The following ALPL variants were observed in gnomAD, a reference collection of about 807,000 sequenced individuals.
ALPL encodes alkaline phosphatase, biomineralization associated.
In ALPL, 42 loss-of-function variants were observed where a neutral mutation model predicts 51.3. That is an observed-to-expected ratio of 0.82 (90% CI 0.64 to 1.06). ALPL has a LOEUF of 1.06. Ranked by LOEUF, ALPL falls within the 50% of genes least tolerant of loss-of-function variation. ALPL has a pLI of 0.00. For synonymous variants in ALPL, 279 were observed against 296.4 expected (o/e 0.94, Z 0.60); for missense variants, 589 against 709.4 (o/e 0.83, Z 1.93).
intron 1 of ALPL, among the ~76,000 whole-genome samples, chr1:21,537,730 G>T (rs1644128622): frequency 6.6e-6 from 1 of 152,234 alleles, no homozygotes; most frequent in Non-Finnish European, 1.5e-5. Context: ...TGGACATGGA[G>T]CTGGACGGAC....
At chr1:21,543,917 G>A (rs778902703) in intron 1 of ALPL, among the ~76,000 whole-genome samples, 35 of 152,314 alleles carry the variant, frequency 2.3e-4, no homozygotes, top group Admixed American at 5.9e-4. Flanking sequence ...GGGTGTCCTT[G>A]GAGCAGGCCT....
chr1:21,564,128 A>T lies in ALPL; in HGVS notation c.560A>T (p.Tyr187Phe). 3 of 1,614,064 alleles carry T rather than the reference A, an allele frequency of 1.9e-6. No homozygotes were observed. Among genetic ancestry groups the T allele is most frequent in the Non-Finnish European group, 2.5e-6 (3 of 1,180,006 alleles). Residue 187 changes from tyrosine (Y) to phenylalanine (F), a missense_variant, in exon 6 of 12, where the codon TAC becomes TTC. Tyr to Phe is a conservative substitution (Grantham distance 22). Transcript: ENST00000374840. This position sits in a 1 kb window ranked among gnomAD's most constrained non-coding sequence, Gnocchi z 5.8. ...GCCCACTCGGCTGACCGGGACTGGT[A>T]CTCAGACAACGAGATGCCCCCTGAG... ...AYAHSADRDW[Y>F]SDNEMPPEAL... is the part of the protein sequence containing the mutation.
intron 1 of ALPL, among the ~76,000 whole-genome samples, chr1:21,519,722 G>A (rs552988964): frequency 2.0e-5 from 3 of 152,314 alleles, no homozygotes; most frequent in Non-Finnish European, 4.4e-5. Context: ...ACTTGAATCC[G>A]GGAGGCGGAG....
chr1:21,520,184 G>A (rs553269787), intron 1 of ALPL, among the ~76,000 whole-genome samples: 2 of 152,058 alleles, frequency 1.3e-5, no homozygotes, highest in Admixed American at 1.3e-4. Context: ...TGGAGTTCAG[G>A]CACGATCATA....
chr1:21,518,145 G>A (rs113393066), intron 1 of ALPL, among the ~76,000 whole-genome samples: 18,853 of 151,888 alleles, frequency 0.12, 1,314 homozygotes, highest in African/African-American at 0.16. Context: ...AGCTGTGCCC[G>A]TGTTCAGTCC....
intron 1 of ALPL, among the ~76,000 whole-genome samples, chr1:21,522,942 G>T (rs1475602916): frequency 6.6e-6 from 1 of 152,214 alleles, no homozygotes; most frequent in Non-Finnish European, 1.5e-5. Flanking sequence ...CTAGGAGGTA[G>T]ATATTATTGT....
chr1:21,513,564 T>C (rs1643733425), intron 1 of ALPL, among the ~76,000 whole-genome samples: 1 of 152,094 alleles, frequency 6.6e-6, no homozygotes, highest in African/African-American at 2.4e-5. Context: ...AGTGGAGAGA[T>C]GAGACTTCCC....
intron 2 of ALPL, among the ~76,000 whole-genome samples, chr1:21,554,381 T>A (rs534069908): frequency 9.5e-5 from 14 of 147,998 alleles, no homozygotes; most frequent in African/African-American, 2.5e-4. Context: ...ACAAGGAAAA[T>A]ATATATATAC....
chr1:21,509,274 G>C (rs1388760209), upstream of ALPL: 2 of 148,630 alleles, frequency 1.3e-5, no homozygotes, highest in African/African-American at 4.9e-5. The surrounding 1 kb of genome is among the most constrained non-coding windows in gnomAD (Gnocchi z 6.0). Flanking sequence ...TGGCACGACC[G>C]GCCCGCGGGG....
Position 21,564,026 on chromosome 1 carries a change from C to T in ALPL, c.473-15C>T, listed in dbSNP as rs763310888. ...ATCTGTGGATAAAGCCAAACCCGCCCCTCCTGCACCCCAGGGAAATCTGTG... is the reference window on the plus strand; with the variant it reads ...ATCTGTGGATAAAGCCAAACCCGCCTCTCCTGCACCCCAGGGAAATCTGTG... On this transcript the variant is annotated splice_polypyrimidine_tract_variant and intron_variant, in intron 5 of 11. Coordinates refer to ENST00000374840, the MANE Select transcript of ALPL (RefSeq NM_000478.6). The surrounding 1 kb of genome is among the most constrained non-coding windows in gnomAD (Gnocchi z 5.8). 2 of 1,613,294 alleles carry T rather than the reference C, an allele frequency of 1.2e-6. No individual in the cohort carries two copies. Among genetic ancestry groups the T allele is most frequent in the African/African-American group, 1.3e-5 (1 of 75,012 alleles).
intron 9 of ALPL, 27 bp from the exon 10 acceptor site, chr1:21,575,706 C>T: frequency 1.2e-6 from 2 of 1,613,812 alleles, no homozygotes; most frequent in Non-Finnish European, 1.7e-6. Context: ...TCCTCCCTCA[C>T]CGAGGCCTTT....
At chr1:21,517,374 T>C (rs1643820479) in intron 1 of ALPL, among the ~76,000 whole-genome samples, 1 of 152,210 alleles carries the variant, frequency 6.6e-6, no homozygotes, top group South Asian at 2.1e-4. Flanking sequence ...CAGGTGAGAC[T>C]CAAATCCAGG....
chr1:21,558,068 T>C (rs1644436324), intron 2 of ALPL, among the ~76,000 whole-genome samples: 1 of 152,250 alleles, frequency 6.6e-6, no homozygotes, highest in Non-Finnish European at 1.5e-5. Context: ...CCAAAAACAA[T>C]AGCCTCTTGG....
chr1:21,551,351 G>A (rs1644318135), intron 1 of ALPL: 1 of 152,226 alleles, frequency 6.6e-6, no homozygotes, highest in South Asian at 2.1e-4. Context: ...AGGTACATGC[G>A]ATGTTTGAGG....
chr1:21,561,050 G>A (rs1644477401), intron 3 of ALPL, 47 bp from the exon 4 acceptor site: 1 of 1,526,982 alleles, frequency 6.5e-7, no homozygotes, highest in African/African-American at 1.4e-5. Flanking sequence ...CAGGCTGATT[G>A]GAGAGGCAGG....
chr1:21,574,191 G>A lies in ALPL; in HGVS notation c.997+392G>A, dbSNP rs373559812. 19 of 985,422 alleles carry A rather than the reference G, an allele frequency of 1.9e-5. No individual in the cohort carries two copies. In the South Asian group the frequency reaches 2.3e-4, roughly 12 times the overall value. The allele number at this position is 985,422 out of a possible 1,614,324, so 61.0% of individuals were successfully genotyped here. Reference sequence around the variant, plus strand: ...GATGTTCCCAGGCTCTTTCAGCGCCGGCCAGGGGCCTTGCAGACAGACCTG... The same window carrying A: ...GATGTTCCCAGGCTCTTTCAGCGCCAGCCAGGGGCCTTGCAGACAGACCTG... On this transcript the variant is annotated intron_variant, in intron 9 of 11. Coordinates refer to ENST00000374840, the MANE Select transcript of ALPL (RefSeq NM_000478.6).
At chr1:21,576,409 C>T in intron 10 of ALPL, 113 bp from the exon 11 acceptor site, 3 of 1,404,500 alleles carry the variant, frequency 2.1e-6, no homozygotes, top group East Asian at 2.3e-5. Flanking sequence ...CATTGCAGGG[C>T]CCTTCAAAGA....
chr1:21,536,407 ACT>A (rs996452385), intron 1 of ALPL, among the ~76,000 whole-genome samples: 3 of 152,130 alleles, frequency 2.0e-5, no homozygotes, highest in Non-Finnish European at 4.4e-5. Context: ...CTGAGGTCAG[ACT>A]CTGTGTTCCA....
intron 8 of ALPL, among the ~76,000 whole-genome samples, chr1:21,572,590 GC>G (rs1644665035): frequency 6.6e-6 from 1 of 152,160 alleles, no homozygotes; most frequent in Admixed American, 6.5e-5. Flanking sequence ...TTGGAGGCTG[GC>G]TTTTGCCTGC....
Sources: gnomAD v4.1 joint callset for allele counts (sites outside exome capture counted in the v4.1 genomes callset) on GRCh38, gnomAD v4.1.1 for gene constraint, Gnocchi (gnomAD v3.1) non-coding constraint, MANE v1.5 for transcripts, NCBI Gene and HGNC (gene_info 2026-07-23, HGNC 2026-07-21) for gene names.